XRN1: variants seen among roughly 807,000 people sequenced by gnomAD.
XRN1 encodes strand-exchange protein 1 homolog.
In XRN1, 67 loss-of-function variants were observed where a neutral mutation model predicts 222.3. That is an observed-to-expected ratio of 0.30 (90% confidence interval 0.25 to 0.37). The LOEUF is 0.37. Among genes scored for constraint, XRN1 ranks in the 10% least tolerant of loss-of-function variants. The pLI, the probability that XRN1 is intolerant of heterozygous loss-of-function variation, is 1.00. For synonymous variants in XRN1, 643 were observed against 652.4 expected (o/e 0.99, Z 0.22); for missense variants, 1,707 against 2,000.2 (o/e 0.85, Z 2.80).
At chr3:142,319,224 T>G (rs2065285368) in intron 37 of XRN1, among the ~76,000 whole-genome samples, 1 of 152,204 alleles carries the variant, frequency 6.6e-6, no homozygotes, top group South Asian at 2.1e-4. Flanking sequence ...TACTGGAACA[T>G]GGCCACATCC....
chr3:142,428,177 A>G (rs372161448), intron 2 of XRN1, among the ~76,000 whole-genome samples: 1 of 151,880 alleles, frequency 6.6e-6, no homozygotes, highest in South Asian at 2.1e-4. Flanking sequence ...TGGATTACCT[A>G]AGGTCAGGAG....
intron 32 of XRN1, 120 bp from the exon 33 acceptor site, chr3:142,347,462 TACAGA>T: frequency 1.6e-6 from 1 of 622,520 alleles, no homozygotes; most frequent in East Asian, 3.2e-5. Flanking sequence ...AAAAACTTAA[TACAGA>T]AAAGTATAGA....
chr3:142,325,604 T>G (rs2065494199), intron 37 of XRN1, among the ~76,000 whole-genome samples: 1 of 152,162 alleles, frequency 6.6e-6, no homozygotes, highest in Non-Finnish European at 1.5e-5. Context: ...AAATATTTTC[T>G]CCTCTTCTGT....
chr3:142,313,006 T>C (rs548916537), intron 39 of XRN1: 1 of 1,078,150 alleles, frequency 9.3e-7, no homozygotes, highest in Admixed American at 2.5e-5. Flanking sequence ...ATACTACTAC[T>C]AATATCATAT....
intron 20 of XRN1, among the ~76,000 whole-genome samples, chr3:142,392,538 T>A (rs1577352156): frequency 6.6e-6 from 1 of 151,982 alleles, no homozygotes; most frequent in Non-Finnish European, 1.5e-5. Flanking sequence ...TGTGATCTCA[T>A]TGTTCAGTTC....
intron 32 of XRN1, among the ~76,000 whole-genome samples, chr3:142,350,428 G>A (rs1317537475): frequency 6.6e-6 from 1 of 152,130 alleles, no homozygotes; most frequent in Non-Finnish European, 1.5e-5. Flanking sequence ...TGTGATTAGA[G>A]AGGTGACACA....
chr3:142,387,027 A>G (rs565813349), intron 20 of XRN1, among the ~76,000 whole-genome samples: 43 of 152,352 alleles, frequency 2.8e-4, no homozygotes, highest in African/African-American at 9.9e-4. Context: ...AAAGGAATGC[A>G]TATATACACG....
rs149920821 is a variant in XRN1, at chr3:142,418,514, C to A, written c.1336G>T (p.Val446Leu). ...TTGGCAAAAACGTACTCAGATACTA[C>A]GTCAACCCCCATCTTCGTCATGTAA... Reference protein sequence around the residue: ...TYYMTKMGVDVVSDDFLADQA... With the variant: ...TYYMTKMGVDLVSDDFLADQA... Residue 446 changes from valine to leucine, a missense_variant, in exon 12 of 41, where the codon GTA becomes TTA. Physicochemically the swap from Val to Leu is conservative, Grantham distance 32. Around this residue, in one of 2 missense-constraint regions of XRN1, gnomAD observed 1,234 missense variants for 1,518.2 expected, o/e 0.81. Transcript: ENST00000392981. 6 of 1,609,278 alleles carry A rather than the reference C, an allele frequency of 3.7e-6. No homozygotes were observed. The highest frequency in any genetic ancestry group is 5.1e-6 in the Non-Finnish European group (6 of 1,177,726).
intron 32 of XRN1, among the ~76,000 whole-genome samples, chr3:142,350,664 G>C (rs1271202153): frequency 6.6e-6 from 1 of 152,096 alleles, no homozygotes; most frequent in Non-Finnish European, 1.5e-5. Flanking sequence ...TATGAATTTG[G>C]AGTAGGGTAG....
At chr3:142,429,394 C>T (rs373671739) in intron 2 of XRN1, among the ~76,000 whole-genome samples, 485 of 152,046 alleles carry the variant, frequency 3.2e-3, no homozygotes, top group African/African-American at 9.5e-3. Context: ...GTGATCCACC[C>T]GCCTGGGCCT....
intron 1 of XRN1, among the ~76,000 whole-genome samples, chr3:142,433,117 G>A (rs930958188): frequency 6.6e-5 from 10 of 152,132 alleles, no homozygotes; most frequent in African/African-American, 2.4e-4. Flanking sequence ...CAAATTTACT[G>A]TCAGAAAATA....
chr3:142,332,263 TA>T (rs761050153), intron 36 of XRN1, 111 bp downstream of exon 36: 51 of 896,550 alleles, frequency 5.7e-5, no homozygotes, highest in Non-Finnish European at 7.8e-5. Flanking sequence ...CTAAAATAAA[TA>T]AATACATTAA....
chr3:142,385,887 G>A (rs1218691893), intron 20 of XRN1, among the ~76,000 whole-genome samples: 3 of 151,522 alleles, frequency 2.0e-5, no homozygotes, highest in Non-Finnish European at 2.9e-5. Flanking sequence ...TCCATCTACC[G>A]AGCTCACTTT....
At chr3:142,362,249 C>A (rs995944113) in intron 29 of XRN1, among the ~76,000 whole-genome samples, 1 of 151,860 alleles carries the variant, frequency 6.6e-6, no homozygotes, top group Non-Finnish European at 1.5e-5. Context: ...GTGATTCTTC[C>A]GCCTCAGCCT....
At chr3:142,351,072 T>C (rs1438312100) in intron 32 of XRN1, among the ~76,000 whole-genome samples, 3 of 152,174 alleles carry the variant, frequency 2.0e-5, no homozygotes, top group Admixed American at 6.6e-5. Context: ...TCTATATCTA[T>C]CTTATCTAAA....
chr3:142,375,685 C>A (rs2067121170), intron 25 of XRN1, 113 bp downstream of exon 25: 1 of 1,091,022 alleles, frequency 9.2e-7, no homozygotes, highest in Non-Finnish European at 1.2e-6. Flanking sequence ...GTAACATATG[C>A]CAGATTTTAC....
intron 29 of XRN1, among the ~76,000 whole-genome samples, chr3:142,361,963 CTTTTTTTTTT>C (rs71153961): frequency 5.8e-5 from 3 of 51,678 alleles, no homozygotes; most frequent in Admixed American, 3.2e-4. Flanking sequence ...CTTTTTCTCT[CTTTTTTTTTT>C]TTTTTTTTTT....
intron 23 of XRN1, among the ~76,000 whole-genome samples, chr3:142,377,425 A>G (rs1052653028): frequency 6.6e-6 from 1 of 152,168 alleles, no homozygotes; most frequent in Admixed American, 6.5e-5. Flanking sequence ...GAATTAAGGT[A>G]GTAGGTCTCA....
At chr3:142,397,102 AT>A (rs150192903) in intron 20 of XRN1, among the ~76,000 whole-genome samples, 4,033 of 151,974 alleles carry the variant, frequency 0.027, 88 homozygotes, top group Non-Finnish European at 0.038. Flanking sequence ...TTAATTTGTC[AT>A]TTTTTTTCTA....
Sources: gnomAD v4.1 joint callset for allele counts (sites outside exome capture counted in the v4.1 genomes callset) on GRCh38, gnomAD v4.1.1 for gene constraint, gnomAD v4.1.1 regional missense constraint, MANE v1.5 for transcripts, NCBI Gene and HGNC (gene_info 2026-07-23, HGNC 2026-07-21) for gene names.